The following BCAS3 variants were observed in gnomAD, a reference collection of about 807,000 sequenced individuals.
BCAS3 encodes the protein BCAS4/BCAS3 fusion.
In BCAS3, 53 loss-of-function variants were observed where a neutral mutation model predicts 116.1. The ratio of observed to expected loss-of-function variants is 0.46; its 90% CI spans 0.37 to 0.57. The LOEUF is 0.57. BCAS3 is among the 20% of genes least tolerant of loss of function. The pLI is 0.00. For missense variants in BCAS3, 917 were observed against 1,165.4 expected, an observed-to-expected ratio of 0.79 and a Z score of 3.10; for synonymous variants, 391 against 408.2, an observed-to-expected ratio of 0.96 and a Z score of 0.51.
chr17:61,367,043 C>A lies in BCAS3; in HGVS notation c.2426-1284C>A, dbSNP rs941091666. ...GCCTGCCGAGGCTGGGGCTCGCACC[C>A]TCTCTATTACCACCTGTCATTGGCA... On this transcript the variant is annotated intron_variant, in intron 22 of 23. Coordinates refer to ENST00000407086, the MANE Select transcript of BCAS3 (RefSeq NM_017679.5). This position sits in a 1 kb window ranked among gnomAD's most constrained non-coding sequence, Gnocchi z 6.2. Among the ~76,000 whole-genome samples the A allele has an allele frequency of 2.6e-5, 4 of 152,240 alleles. No homozygotes were observed. Among genetic ancestry groups the A allele is most frequent in the Non-Finnish European group, 4.4e-5 (3 of 68,042 alleles).
chr17:60,987,649 A>G (rs554919824), intron 14 of BCAS3, among the ~76,000 whole-genome samples: 63 of 152,276 alleles, frequency 4.1e-4, no homozygotes, highest in African/African-American at 1.5e-3. Flanking sequence ...TTTGGCATGT[A>G]GAAATGCTAC....
intron 22 of BCAS3, among the ~76,000 whole-genome samples, chr17:61,115,805 G>A (rs1483159786): frequency 2.7e-5 from 4 of 150,076 alleles, no homozygotes; most frequent in Non-Finnish European, 4.5e-5. Flanking sequence ...TGTTTATTGC[G>A]GCATTATTCA....
intron 14 of BCAS3, among the ~76,000 whole-genome samples, chr17:60,949,728 A>G (rs2060730675): frequency 6.6e-6 from 1 of 151,770 alleles, no homozygotes; most frequent in South Asian, 2.1e-4. Flanking sequence ...CCAATCCTCT[A>G]ATTATTTTGA....
chr17:60,710,646 T>C (rs1480217151), intron 5 of BCAS3, among the ~76,000 whole-genome samples: 2 of 151,836 alleles, frequency 1.3e-5, no homozygotes, highest in Non-Finnish European at 2.9e-5. Context: ...TTAGCCAGGA[T>C]GATCTTGATC....
intron 22 of BCAS3, among the ~76,000 whole-genome samples, chr17:61,108,655 G>A (rs895330932): frequency 6.7e-6 from 1 of 149,140 alleles, no homozygotes; most frequent in Admixed American, 6.7e-5. Flanking sequence ...GTGGTGTTTG[G>A]TTACATGAAT....
At chr17:60,837,242 C>T (rs2051442379) in intron 7 of BCAS3, among the ~76,000 whole-genome samples, 1 of 152,172 alleles carries the variant, frequency 6.6e-6, no homozygotes, top group South Asian at 2.1e-4. Flanking sequence ...GGCAAACTAG[C>T]TGTCCTAAAC....
intron 22 of BCAS3, among the ~76,000 whole-genome samples, chr17:61,165,128 C>A (rs527726358): frequency 6.6e-6 from 1 of 152,196 alleles, no homozygotes; most frequent in Non-Finnish European, 1.5e-5. Flanking sequence ...CTTTTTTATG[C>A]CCTTTCCTTA....
In BCAS3 at chr17:60,805,685, G is replaced by A. The variant is rs1235356396; in HGVS notation, c.404-2319G>A. 5.9e-5 allele frequency among the ~76,000 whole-genome samples: 9 copies of A among 151,900 alleles called. No homozygotes were observed. In the East Asian group the frequency reaches 1.6e-3, roughly 26 times the overall value. ...TCTACTAAAATACAAAAAATTAGCC[G>A]GACATGGTGGCGGGCACCTGTAATC... On this transcript the variant is annotated intron_variant, in intron 6 of 23. Transcript: ENST00000407086.
chr17:60,921,777 C>G (rs1328042512), intron 12 of BCAS3, among the ~76,000 whole-genome samples: 1 of 151,478 alleles, frequency 6.6e-6, no homozygotes, highest in Non-Finnish European at 1.5e-5. Flanking sequence ...ATGTAACAAA[C>G]CTGCACATGC....
intron 14 of BCAS3, among the ~76,000 whole-genome samples, chr17:60,948,049 C>T (rs2060617004): frequency 6.6e-6 from 1 of 152,048 alleles, no homozygotes. Context: ...TATCAGGTGC[C>T]ACGCTAAGTG....
chr17:61,273,007 A>G (rs1341771846), intron 22 of BCAS3, among the ~76,000 whole-genome samples: 1 of 151,288 alleles, frequency 6.6e-6, no homozygotes, highest in Non-Finnish European at 1.5e-5. Context: ...CTGAGTTTCA[A>G]TTTTCCTTCA....
Position 61,029,793 on chromosome 17 carries a change from GAGTT to G in BCAS3, c.1638-4872_1638-4869del, listed in dbSNP as rs2066501002. Among the ~76,000 whole-genome samples the G allele has an allele frequency of 6.6e-6, 1 of 151,908 alleles. No homozygotes were observed. The highest frequency in any genetic ancestry group is 2.1e-4 in the South Asian group (1 of 4,818). On this transcript the variant is annotated intron_variant, in intron 16 of 23. Coordinates refer to ENST00000407086, the MANE Select transcript of BCAS3 (RefSeq NM_017679.5). This position sits in a 1 kb window ranked among gnomAD's most constrained non-coding sequence, Gnocchi z 5.2. ...GAAAGTTTTAATTAGTGTTTTCTAAGAGTTTTGATCAAGCTATAAACAGTTCATG... is the reference window on the plus strand; with the variant it reads ...GAAAGTTTTAATTAGTGTTTTCTAAGTTGATCAAGCTATAAACAGTTCATG...
At chr17:61,172,593 C>T (rs549992592) in intron 22 of BCAS3, among the ~76,000 whole-genome samples, 66 of 151,430 alleles carry the variant, frequency 4.4e-4, no homozygotes, top group African/African-American at 1.5e-3. Context: ...GCTGAGATCG[C>T]ACCACTGCAC....
intron 11 of BCAS3, among the ~76,000 whole-genome samples, chr17:60,908,553 T>C (rs2058314161): frequency 6.6e-6 from 1 of 152,208 alleles, no homozygotes. Context: ...TTGACATCAA[T>C]ACACTGTGGC....
chr17:61,353,025 T>C (rs2057940924), intron 22 of BCAS3, among the ~76,000 whole-genome samples: 1 of 152,120 alleles, frequency 6.6e-6, no homozygotes, highest in Non-Finnish European at 1.5e-5. Context: ...AATTTGAGGA[T>C]TGACCTCATG....
intron 22 of BCAS3, among the ~76,000 whole-genome samples, chr17:61,268,261 A>G (rs896836661): frequency 2.0e-5 from 3 of 152,118 alleles, no homozygotes; most frequent in African/African-American, 7.2e-5. Flanking sequence ...ATATTCCTCA[A>G]TCTAGTTGGG....
chr17:61,342,693 T>C (rs530106780), intron 22 of BCAS3, among the ~76,000 whole-genome samples: 15 of 151,744 alleles, frequency 9.9e-5, no homozygotes, highest in Non-Finnish European at 1.9e-4. Flanking sequence ...ACTACAGAAA[T>C]AAACACAGTA....
chr17:60,758,764 T>A (rs948457536), intron 6 of BCAS3, among the ~76,000 whole-genome samples: 5 of 152,210 alleles, frequency 3.3e-5, no homozygotes, highest in African/African-American at 1.2e-4. Flanking sequence ...TGCTATAAAC[T>A]TCTCTTTTAG....
In BCAS3 at chr17:61,126,049, T is replaced by C. The variant is rs1381315551; in HGVS notation, c.2425+41485T>C. On this transcript the variant is annotated intron_variant, in intron 22 of 23. Coordinates refer to ENST00000407086, the MANE Select transcript of BCAS3 (RefSeq NM_017679.5). This position sits in a 1 kb window ranked among gnomAD's most constrained non-coding sequence, Gnocchi z 4.6. Reference sequence around the variant, plus strand: ...GTGTTATTGGGAATTCTGAGTAATGTGAAATGTATGTGAATTGGAAGCAGT... The same window carrying C: ...GTGTTATTGGGAATTCTGAGTAATGCGAAATGTATGTGAATTGGAAGCAGT... Among the ~76,000 whole-genome samples, 1 of 152,178 alleles carries C rather than the reference T, an allele frequency of 6.6e-6. No individual in the cohort carries two copies. Among genetic ancestry groups the C allele is most frequent in the Non-Finnish European group, 1.5e-5 (1 of 68,004 alleles).
Sources: allele counts gnomAD v4.1 joint callset (sites outside exome capture counted in the v4.1 genomes callset), GRCh38; gene constraint gnomAD v4.1.1; non-coding constraint Gnocchi (gnomAD v3.1); transcripts MANE v1.5; gene names NCBI Gene and HGNC (gene_info 2026-07-23, HGNC 2026-07-21).